RIPOR3: variants seen among roughly 807,000 people sequenced by gnomAD.
The protein encoded by RIPOR3 is family with sequence similarity 65 member C.
In RIPOR3, 95 loss-of-function variants were observed where a neutral mutation model predicts 114.3. That is an observed-to-expected ratio of 0.83 (90% confidence interval 0.70 to 0.99). The LOEUF is 0.99. Ranked by LOEUF, RIPOR3 falls within the 50% of genes least tolerant of loss-of-function variation. The pLI, the probability that RIPOR3 is intolerant of heterozygous loss-of-function variation, is 0.00. For synonymous variants in RIPOR3, 575 were observed against 543.8 expected, an observed-to-expected ratio of 1.06 and a Z score of -0.80; for missense variants, 1,252 against 1,266.9, an observed-to-expected ratio of 0.99 and a Z score of 0.18.
chr20:50,677,611 A>C (rs2086717132), intron 1 of RIPOR3, among the ~76,000 whole-genome samples: 1 of 150,010 alleles, frequency 6.7e-6, no homozygotes, highest in Non-Finnish European at 1.5e-5. Context: ...ACCTCAGGTG[A>C]TCCACCTGCC....
intron 1 of RIPOR3, among the ~76,000 whole-genome samples, chr20:50,664,971 G>A (rs2086132555): frequency 6.6e-6 from 1 of 152,074 alleles, no homozygotes; most frequent in South Asian, 2.1e-4. Context: ...GCATGGTGGC[G>A]CATGCCTGTA....
intron 2 of RIPOR3, among the ~76,000 whole-genome samples, chr20:50,623,275 A>G (rs4811084): frequency 0.13 from 19,076 of 150,934 alleles, 1,361 homozygotes; most frequent in African/African-American, 0.18. Flanking sequence ...AAAAAAAAAA[A>G]AAAAGAAAAA....
chr20:50,661,914 G>A (rs956748205), intron 1 of RIPOR3: 1 of 152,404 alleles, frequency 6.6e-6, no homozygotes, highest in South Asian at 2.1e-4. Context: ...ATTTGAACAT[G>A]GGGCTGATGG....
At chr20:50,600,100 G>T (rs1448112068) in intron 13 of RIPOR3, among the ~76,000 whole-genome samples, 5 of 152,098 alleles carry the variant, frequency 3.3e-5, no homozygotes, top group Non-Finnish European at 5.9e-5. Flanking sequence ...ACGGGGTTTT[G>T]CCATGTTGGC....
chr20:50,601,933 C>A, intron 13 of RIPOR3, 139 bp downstream of exon 13: 1 of 797,990 alleles, frequency 1.3e-6, no homozygotes, highest in Non-Finnish European at 1.9e-6. Flanking sequence ...AACCAAGGCC[C>A]AGAGAGACAC....
chr20:50,635,100 G>A (rs1226980229), intron 1 of RIPOR3, among the ~76,000 whole-genome samples: 1 of 152,194 alleles, frequency 6.6e-6, no homozygotes, highest in East Asian at 1.9e-4. Flanking sequence ...TACAGTTTTT[G>A]TCACAACTAC....
intron 1 of RIPOR3, among the ~76,000 whole-genome samples, chr20:50,678,310 A>G (rs1235578916): frequency 6.6e-6 from 1 of 152,184 alleles, no homozygotes; most frequent in South Asian, 2.1e-4. Flanking sequence ...GCCTTGGCCC[A>G]ACCCTCTGAA....
chr20:50,608,517 G>A lies in RIPOR3; in HGVS notation c.828C>T (p.Gly276=). 4 of 1,613,832 alleles carry A rather than the reference G, an allele frequency of 2.5e-6. No individual in the cohort carries two copies. In the Admixed American group the frequency reaches 5.0e-5, roughly 20 times the overall value. ...CTGCACCCACAGCCAGCGAGCCCAG[G>A]CCCCGCAACTCCGTCACCTGGGGGT... ...NLDIKVTELR[G]LGSLAVGAVT... Residue 276 remains glycine, a synonymous_variant, in exon 11 of 22, where the codon GGC becomes GGT. Transcript: ENST00000327979.
chr20:50,625,351 C>T (rs1050861420), intron 2 of RIPOR3, among the ~76,000 whole-genome samples: 2 of 152,176 alleles, frequency 1.3e-5, no homozygotes, highest in South Asian at 2.1e-4. Flanking sequence ...GGATTGCAGG[C>T]GTGAGCCACC....
intron 2 of RIPOR3, among the ~76,000 whole-genome samples, chr20:50,629,723 C>G (rs535106468): frequency 6.6e-6 from 1 of 152,242 alleles, no homozygotes; most frequent in East Asian, 1.9e-4. Context: ...CCGACAGCCC[C>G]GTGAGCAGGG....
chr20:50,638,351 G>A (rs1309690080), intron 1 of RIPOR3, among the ~76,000 whole-genome samples: 3 of 152,256 alleles, frequency 2.0e-5, no homozygotes, highest in Non-Finnish European at 4.4e-5. Flanking sequence ...AGGCACGGGA[G>A]TGAGGACCGG....
intron 18 of RIPOR3, 97 bp downstream of exon 18, chr20:50,592,938 A>C (rs1028558885): frequency 7.0e-7 from 1 of 1,434,980 alleles, no homozygotes; most frequent in Non-Finnish European, 9.5e-7. Context: ...GTTGGCGGGG[A>C]TGGATGTAGT....
intron 12 of RIPOR3, among the ~76,000 whole-genome samples, chr20:50,604,313 A>T (rs959039507): frequency 6.6e-6 from 1 of 152,156 alleles, no homozygotes; most frequent in African/African-American, 2.4e-5. Flanking sequence ...ATCCATGGAG[A>T]TCAACAGGAA....
intron 1 of RIPOR3, among the ~76,000 whole-genome samples, chr20:50,674,098 G>A (rs1271887644): frequency 6.6e-6 from 1 of 152,078 alleles, no homozygotes; most frequent in African/African-American, 2.4e-5. Context: ...CTTTTCCCCC[G>A]CTTTTTATAG....
At chr20:50,675,547 C>CA (rs538762538) in intron 1 of RIPOR3, among the ~76,000 whole-genome samples, 63 of 152,186 alleles carry the variant, frequency 4.1e-4, no homozygotes, top group Non-Finnish European at 7.5e-4. Flanking sequence ...CTGTGTATGC[C>CA]AAGTGCTAGA....
Position 50,627,497 on chromosome 20 carries a change from G to A in RIPOR3, c.122+3241C>T, listed in dbSNP as rs548406691. ...TGCACTCCAGCCTGGGCAACAGAGC[G>A]AGACTCTGTCTCAAAAGAAAAAAAA... On this transcript the variant is annotated intron_variant, in intron 2 of 21. Transcript: ENST00000327979. 6.1e-5 allele frequency among the ~76,000 whole-genome samples: 9 copies of A among 147,714 alleles called. No individual in the cohort carries two copies. In the East Asian group the frequency reaches 1.6e-3, roughly 26 times the overall value.
chr20:50,638,589 T>TC (rs1435760978), intron 1 of RIPOR3, among the ~76,000 whole-genome samples: 2 of 152,058 alleles, frequency 1.3e-5, no homozygotes, highest in Non-Finnish European at 2.9e-5. Flanking sequence ...GAAAGAAGCC[T>TC]TTGAGGCCAC....
rs754217023 is a variant in RIPOR3 at position 50,602,119 on chromosome 20, G to T, written c.1612C>A (p.Leu538Ile). The change falls in exon 13 of 22, where the codon CTC (leucine) becomes ATC (isoleucine). Residue 538 changes from leucine (L) to isoleucine (I), a missense_variant. Transcript: ENST00000327979. This position sits in a 1 kb window ranked among gnomAD's most constrained non-coding sequence, Gnocchi z 4.3. ...AGGACCTGGTACTCCAGCTCCCGGA[G>T]CTGGGGCTGGGTGGAGTCCGTGGGC... ...LRPTDSTQPQ[L>I]RELEYQVLGF... is the part of the protein sequence containing the mutation. The T allele has an allele frequency of 6.2e-7, 1 of 1,605,098 alleles. No homozygotes were observed. The highest frequency in any genetic ancestry group is 1.3e-5 in the African/African-American group (1 of 74,666).
intron 1 of RIPOR3, among the ~76,000 whole-genome samples, chr20:50,637,864 G>T (rs923519042): frequency 5.3e-5 from 8 of 151,996 alleles, no homozygotes; most frequent in African/African-American, 1.9e-4. Flanking sequence ...GATAAAGCAA[G>T]ACTTCGTCTC....
Sources: allele counts gnomAD v4.1 joint callset (sites outside exome capture counted in the v4.1 genomes callset), GRCh38; gene constraint gnomAD v4.1.1; non-coding constraint Gnocchi (gnomAD v3.1); transcripts MANE v1.5; gene names NCBI Gene and HGNC (gene_info 2026-07-23, HGNC 2026-07-21).